Variants in PHF21B observed in about 807,000 individuals in gnomAD.
The protein encoded by PHF21B is PHD finger protein 21B.
In PHF21B, 22 loss-of-function variants were observed where a neutral mutation model predicts 62.2. The observed-to-expected ratio is 0.35, with a 90% CI of 0.25 to 0.51. PHF21B has a LOEUF of 0.51. Ranked by LOEUF, PHF21B falls within the 20% of genes least tolerant of loss-of-function variation. PHF21B has a pLI of 0.97. For synonymous variants in PHF21B, 341 were observed against 314.7 expected, an observed-to-expected ratio of 1.08 and a Z score of -0.88; for missense variants, 701 against 707.9, an observed-to-expected ratio of 0.99 and a Z score of 0.11.
intron 10 of PHF21B, among the ~76,000 whole-genome samples, chr22:44,887,463 G>C (rs1191324218): frequency 4.6e-5 from 7 of 152,164 alleles, no homozygotes; most frequent in Non-Finnish European, 8.8e-5. Flanking sequence ...ATATCTCACT[G>C]AGTGCAGAGC....
chr22:44,974,134 CCA>C (rs1365733340), intron 2 of PHF21B, among the ~76,000 whole-genome samples: 2 of 152,134 alleles, frequency 1.3e-5, no homozygotes, highest in East Asian at 3.9e-4. Context: ...GCATATGCGG[CCA>C]GGTGCGGTGG....
At chr22:44,883,905 G>A (rs1022227009) in intron 12 of PHF21B, among the ~76,000 whole-genome samples, 1 of 152,038 alleles carries the variant, frequency 6.6e-6, no homozygotes, top group Non-Finnish European at 1.5e-5. Context: ...CATTTAAAGA[G>A]CTTCCCCAGG....
chr22:44,951,221 C>G (rs181979930), intron 2 of PHF21B, among the ~76,000 whole-genome samples: 27 of 152,306 alleles, frequency 1.8e-4, no homozygotes, highest in Admixed American at 1.6e-3. Flanking sequence ...TGCTCCAGTG[C>G]CAGCATCACC....
intron 2 of PHF21B, among the ~76,000 whole-genome samples, chr22:44,944,263 G>T (rs1003500983): frequency 1.3e-5 from 2 of 152,204 alleles, no homozygotes; most frequent in African/African-American, 4.8e-5. Context: ...CCTTTCAAGG[G>T]AATTCGGGGA....
At chr22:44,996,608 G>A (rs2073126414) in intron 2 of PHF21B, among the ~76,000 whole-genome samples, 2 of 151,628 alleles carry the variant, frequency 1.3e-5, no homozygotes, top group Admixed American at 6.6e-5. Context: ...TACCCCGTTT[G>A]ACTCTCTGAT....
At chr22:44,981,064 G>A (rs1197588909) in intron 2 of PHF21B, among the ~76,000 whole-genome samples, 1 of 152,222 alleles carries the variant, frequency 6.6e-6, no homozygotes, top group African/African-American at 2.4e-5. Flanking sequence ...GCTGTCTGCA[G>A]AGACTTAGGG....
Position 45,008,573 on chromosome 22 carries a change from G to T in PHF21B, c.92C>A (p.Pro31Gln). ...DLKKQLHERQ[P>Q]RIAALSDKQA... ...TTTGTCGCTGAGCGCGGCGATCCGC[G>T]GCTGCCTTTCGTGGAGCTGCTTCTT... The change falls in exon 2 of 13, where the codon CCG becomes CAG. Residue 31 changes from proline (P) to glutamine (Q), a missense_variant. By Grantham distance (76) the Pro-to-Gln change is moderately conservative. Transcript: ENST00000313237. 1.3e-6 allele frequency: 2 copies of T among 1,589,860 alleles called. No homozygotes were observed. The highest frequency in any genetic ancestry group is 2.3e-5 in the East Asian group (1 of 43,828).
chr22:44,931,802 C>T (rs1038315314), intron 2 of PHF21B, among the ~76,000 whole-genome samples: 2 of 152,180 alleles, frequency 1.3e-5, no homozygotes, highest in African/African-American at 4.8e-5. Flanking sequence ...GCCACTTCTG[C>T]ATCTACTCAA....
At chr22:44,906,396 G>C (rs933910661) in intron 5 of PHF21B, among the ~76,000 whole-genome samples, 1 of 152,224 alleles carries the variant, frequency 6.6e-6, no homozygotes, top group African/African-American at 2.4e-5. Flanking sequence ...CAGTAGCCCC[G>C]GGCAGATATG....
intron 2 of PHF21B, among the ~76,000 whole-genome samples, chr22:44,946,608 T>C (rs184989938): frequency 5.9e-5 from 9 of 151,432 alleles, no homozygotes; most frequent in African/African-American, 1.2e-4. Flanking sequence ...GGATGGACAG[T>C]GGTTGTATGG....
chr22:44,942,631 C>T (rs2071981626), intron 2 of PHF21B, among the ~76,000 whole-genome samples: 1 of 152,164 alleles, frequency 6.6e-6, no homozygotes, highest in Non-Finnish European at 1.5e-5. Context: ...GTCTGTGGCC[C>T]TGAGGACACA....
chr22:44,956,334 C>G (rs556445153), intron 2 of PHF21B, among the ~76,000 whole-genome samples: 1 of 152,128 alleles, frequency 6.6e-6, no homozygotes, highest in East Asian at 1.9e-4. Context: ...CCCAGGGGCC[C>G]GAGAATCAGT....
At chr22:44,955,672 C>G (rs959492026) in intron 2 of PHF21B, among the ~76,000 whole-genome samples, 1 of 152,180 alleles carries the variant, frequency 6.6e-6, no homozygotes, top group South Asian at 2.1e-4. Context: ...GACTTACCCA[C>G]CAGACCCTCA....
intron 2 of PHF21B, among the ~76,000 whole-genome samples, chr22:44,996,978 T>C (rs569300262): frequency 3.2e-4 from 49 of 152,278 alleles, no homozygotes; most frequent in African/African-American, 1.1e-3. Flanking sequence ...CCAGAGCACC[T>C]GCCACCTTCC....
chr22:45,009,671 A>C lies in PHF21B; in HGVS notation c.-122T>G. On this transcript the variant is annotated 5_prime_UTR_variant, in exon 1 of 13. Coordinates refer to ENST00000313237, the MANE Select transcript of PHF21B (RefSeq NM_138415.5). The surrounding 1 kb of genome is among the most constrained non-coding windows in gnomAD (Gnocchi z 5.9). Reference sequence around the variant, plus strand: ...GCCTCCGGGCTGGGTTGGGGGGGACACGAGCCCCCTCCCCCACGGCCGAAA... The same window carrying C: ...GCCTCCGGGCTGGGTTGGGGGGGACCCGAGCCCCCTCCCCCACGGCCGAAA... The C allele has an allele frequency of 1.1e-6, 1 of 880,360 alleles. No homozygotes were observed. Among genetic ancestry groups the C allele is most frequent in the Non-Finnish European group, 1.6e-6 (1 of 625,526 alleles). The allele number at this position is 880,360 out of a possible 1,614,324, so 54.5% of individuals were successfully genotyped here. A position where few individuals can be genotyped will look rare whatever the true frequency, so the allele number is the denominator to read the frequency against.
chr22:44,919,134 C>A (rs1437118378), intron 3 of PHF21B, among the ~76,000 whole-genome samples: 1 of 152,178 alleles, frequency 6.6e-6, no homozygotes, highest in Non-Finnish European at 1.5e-5. Context: ...CTACCTCCTC[C>A]AGGAAGCCTT....
At chr22:44,916,835 T>C (rs540356738) in intron 3 of PHF21B, among the ~76,000 whole-genome samples, 1 of 152,248 alleles carries the variant, frequency 6.6e-6, no homozygotes, top group South Asian at 2.1e-4. Context: ...GCCACGGGGC[T>C]CAGGAGGGGC....
At position 44,887,950 on chromosome 22, in the gene PHF21B, C is replaced by T. The variant is rs753916578; in HGVS notation, c.1197+13G>A. 6.8e-7 allele frequency: 1 copy of T among 1,465,080 alleles called. No homozygotes were observed. Among genetic ancestry groups the T allele is most frequent in the Non-Finnish European group, 9.1e-7 (1 of 1,103,180 alleles). The allele number at this position is 1,465,080 out of a possible 1,614,324, so 90.8% of individuals were successfully genotyped here. A position where few individuals can be genotyped will look rare whatever the true frequency, so the allele number is the denominator to read the frequency against. On this transcript the variant is annotated intron_variant, in intron 10 of 12. Coordinates refer to ENST00000313237, the MANE Select transcript of PHF21B (RefSeq NM_138415.5). ...GCCAGTCTGGGGTGAGGGGGTCACA[C>T]AGCCTCCTGTACCTTCTGCTGGCAC...
intron 5 of PHF21B, 119 bp downstream of exon 5, chr22:44,913,703 C>G: frequency 7.2e-7 from 1 of 1,382,814 alleles, no homozygotes; most frequent in Non-Finnish European, 9.5e-7. Flanking sequence ...CACAGGGCAG[C>G]TGTGCCCACG....
Sources: allele counts gnomAD v4.1 joint callset (sites outside exome capture counted in the v4.1 genomes callset), GRCh38; gene constraint gnomAD v4.1.1; non-coding constraint Gnocchi (gnomAD v3.1); transcripts MANE v1.5; gene names NCBI Gene and HGNC (gene_info 2026-07-23, HGNC 2026-07-21).